The following NRG3 variants were observed in gnomAD, a reference collection of about 807,000 sequenced individuals.
NRG3 encodes neuregulin 3, also known as pro-neuregulin-3, membrane-bound isoform.
A neutral mutation model predicts 66.9 loss-of-function variants in NRG3; 31 were observed. The observed-to-expected ratio is 0.46, with a 90% CI of 0.35 to 0.63. The LOEUF (loss-of-function observed/expected upper bound fraction) is 0.63. Ranked by LOEUF, NRG3 falls within the 20% of genes least tolerant of loss-of-function variation. The probability of loss-of-function intolerance (pLI) is 0.00; values close to 1 mark genes in which losing one functional copy is unlikely to be tolerated. For missense variants in NRG3, 910 were observed against 878.9 expected (o/e 1.04, Z -0.45); for synonymous variants, 393 against 359.4 (o/e 1.09, Z -1.06).
chr10:81,925,624 A>G (rs1000956475), intron 1 of NRG3, among the ~76,000 whole-genome samples: 1 of 152,180 alleles, frequency 6.6e-6, no homozygotes, highest in African/African-American at 2.4e-5. Context: ...GTGATGAAAA[A>G]GTACCTTCTG....
chr10:82,626,074 C>A (rs999808069), intron 2 of NRG3, among the ~76,000 whole-genome samples: 6 of 152,064 alleles, frequency 3.9e-5, no homozygotes, highest in Admixed American at 3.9e-4. Context: ...TAGGGCTTTG[C>A]CATCACTGAA....
intron 2 of NRG3, among the ~76,000 whole-genome samples, chr10:82,698,509 C>T (rs2055579307): frequency 6.6e-6 from 1 of 152,072 alleles, no homozygotes; most frequent in African/African-American, 2.4e-5. Context: ...ACAAAAATAC[C>T]AGAGAAAACA....
chr10:82,887,679 A>G (rs1290486618), intron 4 of NRG3, among the ~76,000 whole-genome samples: 6 of 152,230 alleles, frequency 3.9e-5, no homozygotes, highest in Non-Finnish European at 8.8e-5. Context: ...TTTCCCAGCA[A>G]TTGCAATGTG....
Position 82,341,905 on chromosome 10 carries a change from C to T in NRG3, c.824-16834C>T, listed in dbSNP as rs552658476. Among the ~76,000 whole-genome samples the T allele has an allele frequency of 1.2e-3, 178 of 152,030 alleles. 1 individual carries two copies. Among genetic ancestry groups the T allele is most frequent in the African/African-American group, 4.1e-3 (169 of 41,508 alleles). ...GTTTCTGAGTTATTTTACTTAGGAT[C>T]GTTGCCTCCAGTTCCTGTTCTATTG... On this transcript the variant is annotated intron_variant, in intron 1 of 8. Coordinates refer to ENST00000372141, the MANE Select transcript of NRG3 (RefSeq NM_001010848.4).
At chr10:82,097,060 CA>C (rs1410717944) in intron 1 of NRG3, among the ~76,000 whole-genome samples, 1 of 152,004 alleles carries the variant, frequency 6.6e-6, no homozygotes, top group Non-Finnish European at 1.5e-5. Flanking sequence ...TTCCTTATCC[CA>C]AAATTTCTTT....
chr10:82,522,521 TA>T (rs1846292564), intron 2 of NRG3, among the ~76,000 whole-genome samples: 1 of 152,134 alleles, frequency 6.6e-6, no homozygotes. Flanking sequence ...ATTTTAATTT[TA>T]AAAGTTCGAA....
intron 6 of NRG3, among the ~76,000 whole-genome samples, chr10:82,971,399 T>C (rs1851715362): frequency 2.0e-5 from 3 of 151,814 alleles, no homozygotes; most frequent in Non-Finnish European, 1.5e-5. Context: ...ACAATGTTAA[T>C]GGTTTATAAT....
At chr10:82,150,407 C>T (rs2070618929) in intron 1 of NRG3, among the ~76,000 whole-genome samples, 1 of 151,792 alleles carries the variant, frequency 6.6e-6, no homozygotes, top group Non-Finnish European at 1.5e-5. Flanking sequence ...GAAGAGCATC[C>T]CCCCGCCAAC....
chr10:82,472,646 G>A (rs896355922), intron 2 of NRG3, among the ~76,000 whole-genome samples: 6 of 152,198 alleles, frequency 3.9e-5, no homozygotes, highest in African/African-American at 1.4e-4. Flanking sequence ...GACATTTAAA[G>A]TCTTTCTTCA....
chr10:82,348,775 T>A lies in NRG3; in HGVS notation c.824-9964T>A, dbSNP rs1162199786. Reference sequence around the variant, plus strand: ...GGAGGCTTTGCTCATTTCTTTTTATTCTTTTTTCTCTAAACTTCCCATCTC... The same window carrying A: ...GGAGGCTTTGCTCATTTCTTTTTATACTTTTTTCTCTAAACTTCCCATCTC... On this transcript the variant is annotated intron_variant, in intron 1 of 8. Coordinates refer to ENST00000372141, the MANE Select transcript of NRG3 (RefSeq NM_001010848.4). 2.0e-5 allele frequency among the ~76,000 whole-genome samples: 3 copies of A among 151,686 alleles called. No individual in the cohort carries two copies. The East Asian group carries it at 5.8e-4, about 29-fold the overall frequency.
At chr10:82,904,470 G>T (rs1338486748) in intron 4 of NRG3, among the ~76,000 whole-genome samples, 1 of 152,252 alleles carries the variant, frequency 6.6e-6, no homozygotes, top group Non-Finnish European at 1.5e-5. Context: ...CGGAAGAAAG[G>T]GAGCTTGGTG....
At position 82,772,302 on chromosome 10, in the gene NRG3, TTTCATTCATTCA is replaced by T. The variant is rs35732700; in HGVS notation, c.1027+33678_1027+33689del. Among the ~76,000 whole-genome samples the T allele has an allele frequency of 6.0e-3, 911 of 150,620 alleles. 29 individuals are homozygous for T. The highest frequency in any genetic ancestry group is 0.051 in the Admixed American group (768 of 15,088). ...AGGAGTCAGAAAACATATAGTTACT[TTTCATTCATTCA>T]TTCATTCATTCATTCATTCATTCAT... On this transcript the variant is annotated intron_variant, in intron 3 of 8. Coordinates refer to ENST00000372141, the MANE Select transcript of NRG3 (RefSeq NM_001010848.4).
At chr10:82,822,679 T>C (rs1226568327) in intron 3 of NRG3, among the ~76,000 whole-genome samples, 3 of 152,090 alleles carry the variant, frequency 2.0e-5, no homozygotes, top group African/African-American at 7.2e-5. Flanking sequence ...GCATGGTTTG[T>C]AGGCAGCATT....
chr10:82,117,843 T>G (rs1244550457), intron 1 of NRG3, among the ~76,000 whole-genome samples: 1 of 152,186 alleles, frequency 6.6e-6, no homozygotes, highest in Admixed American at 6.6e-5. Context: ...GTCTGCACCA[T>G]GCGTATTTGT....
chr10:82,095,554 G>A (rs1408874562), intron 1 of NRG3, among the ~76,000 whole-genome samples: 2 of 152,154 alleles, frequency 1.3e-5, no homozygotes, highest in South Asian at 4.1e-4. Context: ...GATTGCTCAA[G>A]TTCACTAAAG....
chr10:82,521,042 T>A (rs576294245), intron 2 of NRG3, among the ~76,000 whole-genome samples: 1 of 152,264 alleles, frequency 6.6e-6, no homozygotes, highest in African/African-American at 2.4e-5. Context: ...ACCTCAAAAG[T>A]ATTGCAAGTT....
At chr10:81,995,847 G>GTTTGT (rs552146458) in intron 1 of NRG3, among the ~76,000 whole-genome samples, 18 of 151,588 alleles carry the variant, frequency 1.2e-4, no homozygotes, top group Admixed American at 5.9e-4. Context: ...CCTTGATATT[G>GTTTGT]TTTGTTTTGT....
chr10:82,212,075 G>A (rs1378417699), intron 1 of NRG3, among the ~76,000 whole-genome samples: 1 of 152,142 alleles, frequency 6.6e-6, no homozygotes, highest in Non-Finnish European at 1.5e-5. Context: ...TTTGGACCAA[G>A]TCATTTCAGT....
chr10:82,005,877 A>C (rs2061360237), intron 1 of NRG3, among the ~76,000 whole-genome samples: 1 of 139,746 alleles, frequency 7.2e-6, no homozygotes, highest in African/African-American at 2.8e-5. Flanking sequence ...TCCTAAGGTA[A>C]CATAGAGGAA....
Sources: gnomAD v4.1 joint callset for allele counts (sites outside exome capture counted in the v4.1 genomes callset) on GRCh38, gnomAD v4.1.1 for gene constraint, MANE v1.5 for transcripts, NCBI Gene and HGNC (gene_info 2026-07-23, HGNC 2026-07-21) for gene names.